Variants in FMR1NB observed in about 807,000 individuals in gnomAD.
The protein encoded by FMR1NB is FMR1 neighbor protein.
In FMR1NB, 10 loss-of-function variants were observed where a neutral mutation model predicts 16.8. The ratio of observed to expected loss-of-function variants is 0.60; its 90% CI spans 0.37 to 1.01. The LOEUF is 1.01. Among genes scored for constraint, FMR1NB ranks in the 50% least tolerant of loss-of-function variants. The pLI is 0.01. For synonymous variants in FMR1NB, 83 were observed against 79.1 expected (o/e 1.05, Z -0.26); for missense variants, 205 against 204.8 (o/e 1.00, Z 0.00).
chrX:148,003,252 A>T lies in FMR1NB; in HGVS notation c.329A>T (p.Asn110Ile), dbSNP rs781888123. The T allele has an allele frequency of 8.3e-7, 1 of 1,209,341 alleles. No homozygotes were observed. Among genetic ancestry groups the T allele is most frequent in the South Asian group, 1.8e-5 (1 of 56,715 alleles). Residue 110 changes from asparagine to isoleucine, a missense_variant, in exon 2 of 6, where the codon AAT becomes ATT. Physicochemically the swap from Asn to Ile is moderately radical, Grantham distance 149. Transcript: ENST00000370467. ...ANGHILPNSE[N>I]AHGQSLEEDS... ...GGACATATCCTGCCCAACAGTGAAAATGCTCATGGCCAATCTCTGGAAGAA... is the reference window on the plus strand; with the variant it reads ...GGACATATCCTGCCCAACAGTGAAATTGCTCATGGCCAATCTCTGGAAGAA...
intron 4 of FMR1NB, among the ~76,000 whole-genome samples, chrX:148,019,909 C>A (rs1031310765): frequency 1.3e-4 from 14 of 111,820 alleles, no homozygotes; most frequent in Non-Finnish European, 2.4e-4. Context: ...CACTACCTGG[C>A]CACTGCTTAT....
At chrX:148,001,655 C>T (rs1003904970) in intron 1 of FMR1NB, among the ~76,000 whole-genome samples, 1 of 110,007 alleles carries the variant, frequency 9.1e-6, no homozygotes, top group Non-Finnish European at 1.9e-5. Flanking sequence ...GAGGCCAAGG[C>T]ACAAGAATCA....
At chrX:148,024,317 T>C (rs1051091885) in intron 4 of FMR1NB, among the ~76,000 whole-genome samples, 7 of 112,029 alleles carry the variant, frequency 6.2e-5, no homozygotes, top group Admixed American at 2.8e-4. Context: ...TGAGAAAGTA[T>C]ATAAAGCACT....
chrX:148,025,813 G>C (rs868965270), intron 5 of FMR1NB: 1 of 111,802 alleles, frequency 8.9e-6, no homozygotes, highest in East Asian at 2.8e-4. Flanking sequence ...CAAAATTATG[G>C]TATTAAGTTA....
chrX:147,993,444 C>T (rs1480049063), intron 1 of FMR1NB, among the ~76,000 whole-genome samples: 3 of 109,706 alleles, frequency 2.7e-5, no homozygotes, highest in African/African-American at 1.0e-4. Context: ...CTCACAAATG[C>T]CTTCCCTCCT....
At chrX:147,989,732 T>G (rs2044494584) in intron 1 of FMR1NB, among the ~76,000 whole-genome samples, 1 of 111,581 alleles carries the variant, frequency 9.0e-6, no homozygotes, top group South Asian at 3.7e-4. Flanking sequence ...AAGAGGAATC[T>G]AGAGAGGCTG....
chrX:148,023,873 G>T (rs782229663), intron 4 of FMR1NB, among the ~76,000 whole-genome samples: 11 of 111,320 alleles, frequency 9.9e-5, no homozygotes, highest in Non-Finnish European at 1.3e-4. Context: ...GTAGGAGAGA[G>T]ATTGTACTTT....
intron 4 of FMR1NB, among the ~76,000 whole-genome samples, chrX:148,023,044 G>C (rs1404153359): frequency 9.0e-6 from 1 of 111,396 alleles, no homozygotes; most frequent in African/African-American, 3.3e-5. Context: ...AATTCTTAGA[G>C]TGAATATTCA....
At chrX:148,003,952 T>C (rs138211658) in intron 2 of FMR1NB, among the ~76,000 whole-genome samples, 11 of 112,244 alleles carry the variant, frequency 9.8e-5, no homozygotes, top group Non-Finnish European at 1.5e-4. Flanking sequence ...AAAGCTCTTA[T>C]GAAAAATCAT....
chrX:147,995,253 G>A (rs5904658), intron 1 of FMR1NB, among the ~76,000 whole-genome samples: 40,120 of 110,961 alleles, frequency 0.36, 5,869 homozygotes, highest in East Asian at 0.67. Context: ...ACAGCCCTAG[G>A]AAACTAATAT....
intron 1 of FMR1NB, among the ~76,000 whole-genome samples, chrX:147,988,012 C>T (rs1213873313): frequency 9.0e-6 from 1 of 111,602 alleles, no homozygotes; most frequent in Admixed American, 9.5e-5. Flanking sequence ...AGCCGATTTA[C>T]ATTTAAGGTT....
chrX:148,015,812 A>G (rs781794714), intron 4 of FMR1NB, among the ~76,000 whole-genome samples: 1 of 112,134 alleles, frequency 8.9e-6, no homozygotes, highest in South Asian at 3.7e-4. Context: ...CTAAATATCT[A>G]TTAGGTCTAT....
At chrX:147,982,664 C>T (rs1402584830) in intron 1 of FMR1NB, among the ~76,000 whole-genome samples, 4 of 104,404 alleles carry the variant, frequency 3.8e-5, no homozygotes, top group Admixed American at 2.1e-4. Flanking sequence ...GAGGCGGAGG[C>T]GGGTGGATCA....
intron 1 of FMR1NB, 115 bp downstream of exon 1, chrX:147,981,794 T>C: frequency 1.2e-6 from 1 of 861,222 alleles, no homozygotes; most frequent in Non-Finnish European, 1.6e-6. Context: ...TGCCCCTTCC[T>C]GTCCTCTCTC....
At chrX:148,020,175 G>C (rs370728932) in intron 4 of FMR1NB, among the ~76,000 whole-genome samples, 1 of 106,801 alleles carries the variant, frequency 9.4e-6, no homozygotes, top group Admixed American at 9.7e-5. Flanking sequence ...GCCCTACCTT[G>C]TGGCAATCAA....
intron 1 of FMR1NB, among the ~76,000 whole-genome samples, chrX:147,999,043 G>A (rs782632128): frequency 8.9e-6 from 1 of 111,861 alleles, no homozygotes; most frequent in Admixed American, 9.5e-5. Context: ...CTATATGCCA[G>A]AAACTTGGAG....
At chrX:147,982,815 A>T (rs1246443815) in intron 1 of FMR1NB, among the ~76,000 whole-genome samples, 3 of 110,302 alleles carry the variant, frequency 2.7e-5, no homozygotes, top group African/African-American at 9.9e-5. Context: ...AACGGCATGG[A>T]CCCGGAAGGC....
chrX:147,997,899 A>G (rs988818144), intron 1 of FMR1NB, among the ~76,000 whole-genome samples: 9 of 112,828 alleles, frequency 8.0e-5, no homozygotes, highest in Admixed American at 1.9e-4. Flanking sequence ...AAAAACCACA[A>G]TGAGATACCA....
intron 5 of FMR1NB, among the ~76,000 whole-genome samples, chrX:148,025,556 C>T: frequency 9.0e-6 from 1 of 111,357 alleles, no homozygotes; most frequent in East Asian, 2.8e-4. Context: ...GGTTATAGAT[C>T]CCTAGCCTTG....
Sources: gnomAD v4.1 joint callset for allele counts (sites outside exome capture counted in the v4.1 genomes callset) on GRCh38, gnomAD v4.1.1 for gene constraint, MANE v1.5 for transcripts, NCBI Gene and HGNC (gene_info 2026-07-23, HGNC 2026-07-21) for gene names.